SH3GL2: variants seen among roughly 807,000 people sequenced by gnomAD.
SH3GL2 encodes endophilin-A1.
In SH3GL2, 24 loss-of-function variants were observed where a neutral mutation model predicts 46.0. That is an observed-to-expected ratio of 0.52 (90% CI 0.38 to 0.73). The LOEUF (loss-of-function observed/expected upper bound fraction) is 0.73, where lower values mean the gene tolerates loss of function less well. Among genes scored for constraint, SH3GL2 ranks in the 30% least tolerant of loss-of-function variants. The pLI is 0.00. For synonymous variants in SH3GL2, 196 were observed against 147.1 expected (o/e 1.33, Z -2.40); for missense variants, 413 against 424.2 (o/e 0.97, Z 0.23).
intron 1 of SH3GL2, among the ~76,000 whole-genome samples, chr9:17,612,022 G>A (rs1818877880): frequency 6.6e-6 from 1 of 152,188 alleles, no homozygotes; most frequent in Admixed American, 6.6e-5. Flanking sequence ...ATTGGGACTA[G>A]TTGTGCATAT....
At chr9:17,606,337 C>A (rs190659352) in intron 1 of SH3GL2, among the ~76,000 whole-genome samples, 1 of 152,098 alleles carries the variant, frequency 6.6e-6, no homozygotes, top group African/African-American at 2.4e-5. Flanking sequence ...ATGATCCGCC[C>A]GCCTTGGCCT....
chr9:17,702,216 G>A (rs1441193632), intron 1 of SH3GL2, among the ~76,000 whole-genome samples: 2 of 151,956 alleles, frequency 1.3e-5, no homozygotes, highest in Non-Finnish European at 2.9e-5. Context: ...TTCACATCTT[G>A]GATCCATAAT....
chr9:17,677,924 C>T (rs918367992), intron 1 of SH3GL2, among the ~76,000 whole-genome samples: 3 of 152,060 alleles, frequency 2.0e-5, no homozygotes, highest in African/African-American at 2.4e-5. Flanking sequence ...TGATGGTTTC[C>T]AGCTTCATCC....
At position 17,622,834 on chromosome 9, in the gene SH3GL2, A is replaced by G. The variant is rs202208474; in HGVS notation, c.45+43547A>G. 7.9e-5 allele frequency among the ~76,000 whole-genome samples: 12 copies of G among 152,220 alleles called. No individual in the cohort carries two copies. The East Asian group carries it at 2.1e-3, about 27-fold the overall frequency. ...CGTTGGCAGGGTATGTGCTTGGGGCATGAAAACCAAGACTCAAAGACTGCC... is the reference window on the plus strand; with the variant it reads ...CGTTGGCAGGGTATGTGCTTGGGGCGTGAAAACCAAGACTCAAAGACTGCC... On this transcript the variant is annotated intron_variant, in intron 1 of 8. Coordinates refer to ENST00000380607, the MANE Select transcript of SH3GL2 (RefSeq NM_003026.5).
At chr9:17,714,006 T>TA (rs1481313996) in intron 1 of SH3GL2, among the ~76,000 whole-genome samples, 4 of 151,702 alleles carry the variant, frequency 2.6e-5, no homozygotes, top group Non-Finnish European at 5.9e-5. Context: ...TAGGATTTTG[T>TA]CTGTTTTACT....
chr9:17,642,515 G>A (rs575624449), intron 1 of SH3GL2, among the ~76,000 whole-genome samples: 2 of 152,238 alleles, frequency 1.3e-5, no homozygotes, highest in South Asian at 2.1e-4. Context: ...AATCCATCTT[G>A]AGTTAATTTT....
chr9:17,724,278 G>T (rs1821967754), intron 1 of SH3GL2, among the ~76,000 whole-genome samples: 2 of 151,952 alleles, frequency 1.3e-5, no homozygotes, highest in Admixed American at 1.3e-4. Context: ...CCCTTCTTGT[G>T]AATTTTTCAT....
chr9:17,691,119 G>A (rs1276394417), intron 1 of SH3GL2, among the ~76,000 whole-genome samples: 2 of 152,118 alleles, frequency 1.3e-5, no homozygotes, highest in Admixed American at 1.3e-4. Flanking sequence ...AATTGGTCTC[G>A]GCAGGTGCCA....
chr9:17,736,830 G>A (rs557949166), intron 1 of SH3GL2, among the ~76,000 whole-genome samples: 12 of 152,088 alleles, frequency 7.9e-5, no homozygotes, highest in African/African-American at 2.7e-4. Context: ...AGCATTGCCT[G>A]TGGTTCCAAA....
At chr9:17,723,628 A>G (rs1046463738) in intron 1 of SH3GL2, among the ~76,000 whole-genome samples, 3 of 152,132 alleles carry the variant, frequency 2.0e-5, no homozygotes, top group Non-Finnish European at 4.4e-5. Context: ...AAGTCTTTTG[A>G]CAAACAACAT....
At chr9:17,620,437 C>A (rs1190348560) in intron 1 of SH3GL2, among the ~76,000 whole-genome samples, 3 of 152,132 alleles carry the variant, frequency 2.0e-5, no homozygotes, top group South Asian at 2.1e-4. Flanking sequence ...TCCCAACAAC[C>A]CTATGAGGTA....
chr9:17,712,513 T>C (rs961445619), intron 1 of SH3GL2, among the ~76,000 whole-genome samples: 5 of 151,868 alleles, frequency 3.3e-5, no homozygotes, highest in Non-Finnish European at 5.9e-5. Context: ...TGAATGTTTT[T>C]TGTTTCTGCA....
intron 1 of SH3GL2, among the ~76,000 whole-genome samples, chr9:17,652,282 A>G (rs1156283950): frequency 2.6e-5 from 4 of 150,946 alleles, no homozygotes; most frequent in African/African-American, 9.7e-5. Context: ...AGGATTTTAT[A>G]GTTTCCCTCA....
Position 17,795,997 on chromosome 9 carries a change from T to G in SH3GL2, c.*254T>G. The G allele has an allele frequency of 2.0e-6, 1 of 493,352 alleles. No individual in the cohort carries two copies. Among genetic ancestry groups the G allele is most frequent in the Non-Finnish European group, 3.6e-6 (1 of 274,126 alleles). 30.6% of individuals were successfully genotyped at this position (493,352 alleles called of 1,614,324 possible). The stretch of plus-strand genomic sequence containing the variant: ...GACCAGCCAGTAGTCACAGAACTGC[T>G]GTTTACACAGTTCTCAGGAGGCTGT... On this transcript the variant is annotated 3_prime_UTR_variant, in exon 9 of 9. Coordinates refer to ENST00000380607, the MANE Select transcript of SH3GL2 (RefSeq NM_003026.5).
chr9:17,688,345 A>T (rs1448937559), intron 1 of SH3GL2, among the ~76,000 whole-genome samples: 1 of 152,096 alleles, frequency 6.6e-6, no homozygotes, highest in African/African-American at 2.4e-5. Context: ...GTGAAAAAAA[A>T]TGTAGTTTGG....
intron 1 of SH3GL2, among the ~76,000 whole-genome samples, chr9:17,622,579 C>G (rs577663381): frequency 1.3e-5 from 2 of 152,120 alleles, no homozygotes; most frequent in South Asian, 2.1e-4. Flanking sequence ...CTTTTAATAC[C>G]TCTACAAAGA....
chr9:17,609,293 G>C (rs1261687111), intron 1 of SH3GL2, among the ~76,000 whole-genome samples: 4 of 151,556 alleles, frequency 2.6e-5, no homozygotes, highest in African/African-American at 4.8e-5. Flanking sequence ...TTTTTTTCTG[G>C]ATATTTTGCA....
intron 1 of SH3GL2, among the ~76,000 whole-genome samples, chr9:17,679,660 A>G (rs1820714915): frequency 6.6e-6 from 1 of 152,104 alleles, no homozygotes; most frequent in Non-Finnish European, 1.5e-5. Context: ...AACTTTCAAC[A>G]CTATGTTGAA....
intron 1 of SH3GL2, among the ~76,000 whole-genome samples, chr9:17,647,744 A>G (rs926410737): frequency 2.0e-5 from 3 of 152,242 alleles, no homozygotes; most frequent in African/African-American, 7.2e-5. Context: ...AGCATGGAGC[A>G]TGGCATGTAA....
Sources: gnomAD v4.1 joint callset for allele counts (sites outside exome capture counted in the v4.1 genomes callset) on GRCh38, gnomAD v4.1.1 for gene constraint, MANE v1.5 for transcripts, NCBI Gene and HGNC (gene_info 2026-07-23, HGNC 2026-07-21) for gene names.